The following SF3A3 variants were observed in gnomAD, a reference collection of about 807,000 sequenced individuals.
SF3A3 encodes splicing factor 3a subunit 3.
A neutral mutation model predicts 85.8 loss-of-function variants in SF3A3; 9 were observed. The observed-to-expected ratio is 0.10, with a 90% CI of 0.06 to 0.18. The LOEUF is 0.18. Among genes scored for constraint, SF3A3 ranks in the 10% least tolerant of loss-of-function variants. The probability of loss-of-function intolerance (pLI) is 1.00; values close to 1 mark genes in which losing one functional copy is unlikely to be tolerated. For missense variants in SF3A3, 306 were observed against 593.3 expected, an observed-to-expected ratio of 0.52 and a Z score of 5.03; for synonymous variants, 195 against 204.4, an observed-to-expected ratio of 0.95 and a Z score of 0.39.
rs569352561 is a variant in SF3A3, at chr1:37,979,442, T to C, written c.759+23A>G. 1.9e-5 allele frequency: 30 copies of C among 1,572,206 alleles called. No individual in the cohort carries two copies. The African/African-American group carries it at 3.1e-4, about 16-fold the overall frequency. ...ACAGAAAAATAGACAGAGAGAACAC[T>C]ACTACTGCTGAAGGAAACATACCTC... On this transcript the variant is annotated intron_variant, in intron 9 of 16. Coordinates refer to ENST00000373019, the MANE Select transcript of SF3A3 (RefSeq NM_006802.4).
Position 37,989,602 on chromosome 1 carries a change from A to C in SF3A3, c.97-7T>G, listed in dbSNP as rs1239365730. On this transcript the variant is annotated splice_region_variant and splice_polypyrimidine_tract_variant and intron_variant, in intron 1 of 16. Transcript: ENST00000373019. ...AATTGATCTGGTCCCGGAGCTGAAA[A>C]AACAAACGGTGACACAAACGCCGTT... is the stretch of plus-strand genomic sequence containing the variant. 2 of 1,613,782 alleles carry C rather than the reference A, an allele frequency of 1.2e-6. No individual in the cohort carries two copies. Among genetic ancestry groups the C allele is most frequent in the Admixed American group, 3.3e-5 (2 of 59,908 alleles).
At chr1:37,976,226 A>C (rs973599817) in intron 12 of SF3A3, among the ~76,000 whole-genome samples, 10 of 151,496 alleles carry the variant, frequency 6.6e-5, no homozygotes, top group African/African-American at 2.4e-4. Context: ...CTCCAGAGAC[A>C]CTGATCATCT....
chr1:37,979,584 G>GA, intron 8 of SF3A3, 51 bp from the exon 9 acceptor site: 5 of 1,433,884 alleles, frequency 3.5e-6, no homozygotes, highest in Non-Finnish European at 4.9e-6. Flanking sequence ...GGCCAGGTGT[G>GA]GTGGCTCACA....
At chr1:37,977,739 T>C (rs1029100037) in intron 11 of SF3A3, among the ~76,000 whole-genome samples, 5 of 151,228 alleles carry the variant, frequency 3.3e-5, no homozygotes, top group Admixed American at 1.3e-4. Context: ...CTCGGGAGAG[T>C]GAGGCAGGAA....
intron 15 of SF3A3, among the ~76,000 whole-genome samples, chr1:37,967,450 C>T (rs1255337712): frequency 1.5e-4 from 22 of 151,574 alleles, no homozygotes; most frequent in South Asian, 4.2e-4. Context: ...GAGGCCAAGG[C>T]GGGCGGATCA....
At chr1:37,989,737 A>G in intron 1 of SF3A3, 133 bp downstream of exon 1, 2 of 1,237,950 alleles carry the variant, frequency 1.6e-6, no homozygotes, top group African/African-American at 1.5e-5. Context: ...GGAGGAGGTT[A>G]CCAAGACCGG....
chr1:37,965,995 G>A (rs961583244), intron 15 of SF3A3, among the ~76,000 whole-genome samples: 1 of 151,804 alleles, frequency 6.6e-6, no homozygotes, highest in Non-Finnish European at 1.5e-5. Context: ...GAGATCAGGA[G>A]TTTGAGACCA....
rs781653285 is a variant in SF3A3 at position 37,968,233 on chromosome 1, C to T, written c.1282-99G>A. ...TCATAAATCCTAACATGGCCCTTTG[C>T]AAGACTCCACCTAAAGGTAGCATTC... On this transcript the variant is annotated intron_variant, in intron 14 of 16. Transcript: ENST00000373019. 1.1e-5 allele frequency: 8 copies of T among 741,752 alleles called. No homozygotes were observed. In the South Asian group the frequency reaches 1.2e-4, roughly 11 times the overall value. 45.9% of individuals were successfully genotyped at this position (741,752 alleles called of 1,614,324 possible).
intron 12 of SF3A3, among the ~76,000 whole-genome samples, chr1:37,972,527 A>C (rs7513035): frequency 1.3e-3 from 199 of 152,358 alleles, no homozygotes; most frequent in African/African-American, 4.7e-3. Context: ...AACTACTTGA[A>C]AGTTCACATG....
At chr1:37,983,861 C>G (rs1179098037) in intron 6 of SF3A3, among the ~76,000 whole-genome samples, 1 of 151,754 alleles carries the variant, frequency 6.6e-6, no homozygotes, top group Non-Finnish European at 1.5e-5. Context: ...TCACTTGAGC[C>G]CAGAAGTCGA....
At chr1:37,983,496 T>C (rs1331398309) in intron 6 of SF3A3, among the ~76,000 whole-genome samples, 3 of 139,360 alleles carry the variant, frequency 2.2e-5, no homozygotes, top group East Asian at 2.1e-4. Flanking sequence ...TGAGGCGGGA[T>C]CCATCACTTG....
chr1:37,980,142 C>T (rs534190413), intron 8 of SF3A3, among the ~76,000 whole-genome samples: 13 of 151,122 alleles, frequency 8.6e-5, no homozygotes, highest in East Asian at 3.9e-4. Context: ...AACTCACATA[C>T]GGCCAGGTGC....
chr1:37,961,203 A>G (rs1646255342), intron 15 of SF3A3, among the ~76,000 whole-genome samples: 1 of 152,194 alleles, frequency 6.6e-6, no homozygotes, highest in African/African-American at 2.4e-5. Flanking sequence ...ATAGTAAATA[A>G]AACAATATAT....
At chr1:37,962,856 T>G (rs1042121760) in intron 15 of SF3A3, among the ~76,000 whole-genome samples, 12 of 145,066 alleles carry the variant, frequency 8.3e-5, no homozygotes, top group Non-Finnish European at 1.5e-4. Flanking sequence ...GAAGCTGAGG[T>G]GGGTGGATTG....
Position 37,984,204 on chromosome 1 carries a change from A to C in SF3A3, c.433T>G (p.Cys145Gly), listed in dbSNP as rs1368677963. ...TTCAGGTTAATGTACTTGAGGTAAC[A>C]GTCATGGAGATCGAGATAACGACCA... The part of the protein sequence containing the change: ...GYGRYLDLHD[C>G]YLKYINLKAS... The change falls in exon 6 of 17, where the codon TGT becomes GGT. Residue 145 changes from cysteine to glycine, a missense_variant. By Grantham distance (159) the Cys-to-Gly change is radical (BLOSUM62 -3). This residue lies in a region of SF3A3 where 152 missense variants were observed against 192.0 expected (regional missense o/e 0.79). Transcript: ENST00000373019. 2 of 1,609,692 alleles carry C rather than the reference A, an allele frequency of 1.2e-6. No homozygotes were observed. The highest frequency in any genetic ancestry group is 4.5e-5 in the East Asian group (2 of 44,876).
intron 6 of SF3A3, among the ~76,000 whole-genome samples, chr1:37,983,220 G>A (rs1375571975): frequency 6.8e-6 from 1 of 146,634 alleles, no homozygotes. Flanking sequence ...TTACAGGCGT[G>A]AGCAACTGTG....
intron 16 of SF3A3, among the ~76,000 whole-genome samples, chr1:37,959,429 A>G (rs1646241907): frequency 2.0e-5 from 3 of 151,960 alleles, no homozygotes. Flanking sequence ...GTTGTTAAAG[A>G]GACAGGGTCT....
chr1:37,982,473 C>T (rs112677410), intron 6 of SF3A3, among the ~76,000 whole-genome samples: 2,039 of 151,820 alleles, frequency 0.013, 61 homozygotes, highest in African/African-American at 0.047. Context: ...TGGGTTCAAG[C>T]GATTCTCCTG....
chr1:37,981,801 T>C lies in SF3A3; in HGVS notation c.479A>G (p.Tyr160Cys). Residue 160 changes from tyrosine to cysteine, a missense_variant, in exon 7 of 17, where the codon TAT (tyrosine) becomes TGT (cysteine). Physicochemically the swap from Tyr to Cys is radical, Grantham distance 194. Transcript: ENST00000373019. ...GTCAAAGATGGACAGGTATGTGATA[T>C]AATCCAGCTTCTGAAAAGAGGAAAG... Reference protein sequence around the residue: ...INLKASEKLDYITYLSIFDQL... With the variant: ...INLKASEKLDCITYLSIFDQL... 1 of 1,572,034 alleles carries C rather than the reference T, an allele frequency of 6.4e-7. No homozygotes were observed. The highest frequency in any genetic ancestry group is 8.7e-7 in the Non-Finnish European group (1 of 1,151,036).
Sources: gnomAD v4.1 joint callset for allele counts (sites outside exome capture counted in the v4.1 genomes callset) on GRCh38, gnomAD v4.1.1 for gene constraint, gnomAD v4.1.1 regional missense constraint, MANE v1.5 for transcripts, NCBI Gene and HGNC (gene_info 2026-07-23, HGNC 2026-07-21) for gene names.